The following PCDHGA6 variants were observed in gnomAD, a reference collection of about 807,000 sequenced individuals.
PCDHGA6 encodes the protein protocadherin gamma-A6.
Under a neutral mutation model 60.6 loss-of-function variants are expected in PCDHGA6, and 41 were observed. That is an observed-to-expected ratio of 0.68 (90% CI 0.53 to 0.88). The LOEUF (loss-of-function observed/expected upper bound fraction) is 0.88. Ranked by LOEUF, PCDHGA6 falls within the 40% of genes least tolerant of loss-of-function variation. PCDHGA6 has a pLI of 0.00. For synonymous variants in PCDHGA6, 594 were observed against 524.4 expected (o/e 1.13, Z -1.81); for missense variants, 1,312 against 1,203.0 (o/e 1.09, Z -1.34).
At chr5:141,475,840 A>G (rs1039073157) in intron 1 of PCDHGA6, 2 of 434,770 alleles carry the variant, frequency 4.6e-6, no homozygotes, top group Non-Finnish European at 8.2e-6. Context: ...TGTCCTGCTC[A>G]GAGAGCCCGG....
intron 1 of PCDHGA6, chr5:141,384,294 C>G: frequency 6.2e-7 from 1 of 1,613,864 alleles, no homozygotes; most frequent in Non-Finnish European, 8.5e-7. Flanking sequence ...CTGAGAACAA[C>G]CCCAGAGGGG....
chr5:141,402,785 CG>C, intron 1 of PCDHGA6: 1 of 904,572 alleles, frequency 1.1e-6, no homozygotes, highest in South Asian at 2.1e-5. Context: ...TCCAGTTCTG[CG>C]GCTACACAAA....
rs1164046040 is a variant in PCDHGA6, at chr5:141,476,557, C to A, written c.2425-18250C>A. ...AAATGAAATTGGAGATTAGCGAGGC[C>A]GTGGCTCCGGGGACGCGCTTTCCGC... is the stretch of plus-strand genomic sequence containing the variant. On this transcript the variant is annotated intron_variant, in intron 1 of 3. Transcript: ENST00000517434. This position sits in a 1 kb window ranked among gnomAD's most constrained non-coding sequence, Gnocchi z 7.6. The A allele has an allele frequency of 2.5e-6, 4 of 1,614,222 alleles. No individual in the cohort carries two copies. Among genetic ancestry groups the A allele is most frequent in the Admixed American group, 3.3e-5 (2 of 60,032 alleles).
Position 141,375,311 on chromosome 5 carries a change from C to G in PCDHGA6, c.1228C>G (p.Leu410Val), listed in dbSNP as rs367639660. The change falls in exon 1 of 4, where the codon CTA becomes GTA. Residue 410 changes from leucine (L) to valine (V), a missense_variant. By Grantham distance (32) the Leu-to-Val change is conservative. Transcript: ENST00000517434. ...TTATCGATTAGTGACAAATGCAGCTCTAGACCGGGAAGAGGTATTCTTGTA... is the reference window on the plus strand; with the variant it reads ...TTATCGATTAGTGACAAATGCAGCTGTAGACCGGGAAGAGGTATTCTTGTA... ...NYYRLVTNAA[L>V]DREEVFLYNI... The G allele has an allele frequency of 2.0e-5, 32 of 1,613,730 alleles. No individual in the cohort carries two copies. The Middle Eastern group carries it at 4.9e-4, about 25-fold the overall frequency.
rs756833632 is a variant in PCDHGA6, at chr5:141,393,904, CA to C, written c.2424+17398del. Reference sequence around the variant, plus strand: ...GTGTTAGAAAATTCTCTTCCCGGGACAGTAATTGCCTTCTTGAGTGTGCATG... The same window carrying C: ...GTGTTAGAAAATTCTCTTCCCGGGACGTAATTGCCTTCTTGAGTGTGCATG... On this transcript the variant is annotated intron_variant, in intron 1 of 3. Transcript: ENST00000517434. The C allele has an allele frequency of 1.9e-6, 3 of 1,613,918 alleles. No individual in the cohort carries two copies. In the East Asian group the frequency reaches 6.7e-5, roughly 36 times the overall value.
chr5:141,421,357 T>A lies in PCDHGA6; in HGVS notation c.2424+44850T>A, dbSNP rs761522510. ...GGTGCCAGAAGAGACCGAAAAGGGC[T>A]CCTTCGTGGGCAATATCTCCAAGGA... On this transcript the variant is annotated intron_variant, in intron 1 of 3. Coordinates refer to ENST00000517434, the MANE Select transcript of PCDHGA6 (RefSeq NM_018919.3). 4.3e-6 allele frequency: 7 copies of A among 1,613,976 alleles called. 1 individual carries two copies. The South Asian group carries it at 7.7e-5, about 18-fold the overall frequency.
intron 1 of PCDHGA6, among the ~76,000 whole-genome samples, chr5:141,469,803 A>G (rs1326367314): frequency 6.6e-6 from 1 of 152,174 alleles, no homozygotes; most frequent in Non-Finnish European, 1.5e-5. Context: ...TTGCAAAAAC[A>G]TTGTAGATAG....
At chr5:141,471,302 C>T (rs111827070) in intron 1 of PCDHGA6, 9,302 of 152,168 alleles carry the variant, frequency 0.061, 339 homozygotes, top group South Asian at 0.12. Flanking sequence ...CCACCCAACT[C>T]GGCCTCCCAA....
In PCDHGA6 at chr5:141,490,537, T is replaced by C; in HGVS notation, c.2425-4270T>C. On this transcript the variant is annotated intron_variant, in intron 1 of 3. Transcript: ENST00000517434. This position sits in a 1 kb window ranked among gnomAD's most constrained non-coding sequence, Gnocchi z 5.4. ...GCTGGCCAGCGATGCTGGTTCACCT[T>C]CCCTACACAAACATCTCACCATCAG... is the stretch of plus-strand genomic sequence containing the variant. 1.9e-6 allele frequency: 3 copies of C among 1,614,180 alleles called. No homozygotes were observed. The highest frequency in any genetic ancestry group is 8.5e-7 in the Non-Finnish European group (1 of 1,180,028).
rs1428628914 is a variant in PCDHGA6, at chr5:141,487,223, G to A, written c.2425-7584G>A. 1.2e-6 allele frequency: 2 copies of A among 1,614,076 alleles called. No homozygotes were observed. The highest frequency in any genetic ancestry group is 2.2e-5 in the East Asian group (1 of 44,866). The stretch of plus-strand genomic sequence containing the variant: ...TCTTCGAGAATCTTCAGCTCCAAGG[G>A]AAGGAGAATCTCGTCTAACCCTCTA... On this transcript the variant is annotated intron_variant, in intron 1 of 3. Transcript: ENST00000517434. This position sits in a 1 kb window ranked among gnomAD's most constrained non-coding sequence, Gnocchi z 5.0.
rs1425448852 is a variant in PCDHGA6, at chr5:141,493,717, C to T, written c.2425-1090C>T. Among the ~76,000 whole-genome samples the T allele has an allele frequency of 1.3e-5, 2 of 152,208 alleles. No individual in the cohort carries two copies. The highest frequency in any genetic ancestry group is 3.8e-4 in the East Asian group (2 of 5,202). On this transcript the variant is annotated intron_variant, in intron 1 of 3. Coordinates refer to ENST00000517434, the MANE Select transcript of PCDHGA6 (RefSeq NM_018919.3). This position sits in a 1 kb window ranked among gnomAD's most constrained non-coding sequence, Gnocchi z 4.3. ...CCGATACACCTGGAATGCTAGGTTT[C>T]TGGGTTCTGCTCATATCACTGCCAC...
At position 141,490,502 on chromosome 5, in the gene PCDHGA6, T is replaced by C. The variant is rs1408615048; in HGVS notation, c.2425-4305T>C. On this transcript the variant is annotated intron_variant, in intron 1 of 3. Transcript: ENST00000517434. The surrounding 1 kb of genome is among the most constrained non-coding windows in gnomAD (Gnocchi z 5.4). Reference sequence around the variant, plus strand: ...GACCGGGAGGCCACATCCCACTATATCATCGAGCTGCTGGCCAGCGATGCT... The same window carrying C: ...GACCGGGAGGCCACATCCCACTATACCATCGAGCTGCTGGCCAGCGATGCT... 1.2e-6 allele frequency: 2 copies of C among 1,614,094 alleles called. No individual in the cohort carries two copies. The highest frequency in any genetic ancestry group is 1.1e-5 in the South Asian group (1 of 91,076).
In PCDHGA6 at chr5:141,432,177, CTG is replaced by C. The variant is rs769631339; in HGVS notation, c.2424+55673_2424+55674del. 4 of 1,614,102 alleles carry C rather than the reference CTG, an allele frequency of 2.5e-6. No homozygotes were observed. Among genetic ancestry groups the C allele is most frequent in the Admixed American group, 1.7e-5 (1 of 60,012 alleles). ...AATCCCAGAGGAGTTTCCCTCGTCT[CTG>C]TGACCGCCCACGACCCCGACTGTGA... On this transcript the variant is annotated intron_variant, in intron 1 of 3. Transcript: ENST00000517434. The surrounding 1 kb of genome is among the most constrained non-coding windows in gnomAD (Gnocchi z 6.0).
Position 141,375,792 on chromosome 5 carries a change from A to G in PCDHGA6, c.1709A>G (p.Asp570Gly). 6.2e-7 allele frequency: 1 copy of G among 1,614,190 alleles called. No homozygotes were observed. The highest frequency in any genetic ancestry group is 8.5e-7 in the Non-Finnish European group (1 of 1,180,014). Reference sequence around the variant, plus strand: ...ATCCTGTACCCCGCCCTCCCCACAGACGGTTCCACTGGCGTGGAGCTGGCG... The same window carrying G: ...ATCCTGTACCCCGCCCTCCCCACAGGCGGTTCCACTGGCGTGGAGCTGGCG... ...PEILYPALPT[D>G]GSTGVELAPR... The change falls in exon 1 of 4, where the codon GAC becomes GGC. Residue 570 changes from aspartate to glycine, a missense_variant. Physicochemically the swap from Asp to Gly is moderately conservative, Grantham distance 94. Coordinates refer to ENST00000517434, the MANE Select transcript of PCDHGA6 (RefSeq NM_018919.3).
At chr5:141,470,900 G>A (rs1454085317) in intron 1 of PCDHGA6, among the ~76,000 whole-genome samples, 4 of 151,832 alleles carry the variant, frequency 2.6e-5, no homozygotes, top group African/African-American at 9.7e-5. Context: ...GTTTTTTGTA[G>A]AGATGGGACT....
chr5:141,389,560 G>T (rs1323439261), intron 1 of PCDHGA6: 5 of 1,613,224 alleles, frequency 3.1e-6, no homozygotes, highest in Non-Finnish European at 4.2e-6. Flanking sequence ...AATGCGCCAC[G>T]GGTGCTGTAC....
rs1562065751 is a variant in PCDHGA6, at chr5:141,477,907, C to T, written c.2425-16900C>T. The T allele has an allele frequency of 1.9e-6, 3 of 1,614,164 alleles. No homozygotes were observed. The highest frequency in any genetic ancestry group is 2.2e-5 in the East Asian group (1 of 44,872). ...TAGTGTCACGGGTGGTAGGCTGGGA[C>T]GCGGATGCAGGGCACAATGCCTGGC... On this transcript the variant is annotated intron_variant, in intron 1 of 3. Transcript: ENST00000517434. This position sits in a 1 kb window ranked among gnomAD's most constrained non-coding sequence, Gnocchi z 4.9.
intron 1 of PCDHGA6, chr5:141,409,922 T>C (rs752487198): frequency 1.2e-6 from 2 of 1,613,182 alleles, no homozygotes; most frequent in African/African-American, 2.7e-5. Context: ...CGGCTCCGCG[T>C]TCTTCGATAT....
chr5:141,395,364 A>G, intron 1 of PCDHGA6: 1 of 1,264,440 alleles, frequency 7.9e-7, no homozygotes, highest in Non-Finnish European at 1.1e-6. Flanking sequence ...TTTTGGGTTT[A>G]TTTTGGTGGT....
Sources: gnomAD v4.1 joint callset for allele counts (sites outside exome capture counted in the v4.1 genomes callset) on GRCh38, gnomAD v4.1.1 for gene constraint, Gnocchi (gnomAD v3.1) non-coding constraint, MANE v1.5 for transcripts, NCBI Gene and HGNC (gene_info 2026-07-23, HGNC 2026-07-21) for gene names.